Variants in ITPR1 observed in about 807,000 individuals in gnomAD.
ITPR1 encodes inositol 1,4,5-trisphosphate-gated calcium channel ITPR1.
A neutral mutation model predicts 318.4 loss-of-function variants in ITPR1; 96 were observed. The ratio of observed to expected loss-of-function variants is 0.30; its 90% CI spans 0.26 to 0.36. The LOEUF (loss-of-function observed/expected upper bound fraction) is 0.36, where lower values mean the gene tolerates loss of function less well. ITPR1 is among the 10% of genes least tolerant of loss of function. ITPR1 has a pLI of 1.00. For synonymous variants in ITPR1, 1,312 were observed against 1,289.9 expected (o/e 1.02, Z -0.37); for missense variants, 2,440 against 3,460.2 (o/e 0.71, Z 7.40).
chr3:4,624,599 G>A (rs2092758555), intron 4 of ITPR1, among the ~76,000 whole-genome samples: 1 of 150,688 alleles, frequency 6.6e-6, no homozygotes, highest in Non-Finnish European at 1.5e-5. Flanking sequence ...GAACCCGGGA[G>A]GCAGAGGTTA....
At position 4,554,649 on chromosome 3, in the gene ITPR1, G is replaced by C. The variant is rs531973595; in HGVS notation, c.163+33555G>C. ...CCCCCTGAGAGAGAGCAGATGGGCA[G>C]AGACTGAGGACTGAGGTTTCAGTTA... is the stretch of plus-strand genomic sequence containing the variant. On this transcript the variant is annotated intron_variant, in intron 4 of 61. Coordinates refer to ENST00000649015, the MANE Select transcript of ITPR1 (RefSeq NM_001378452.1). Among the ~76,000 whole-genome samples the C allele has an allele frequency of 4.6e-5, 7 of 152,136 alleles. No homozygotes were observed. In the East Asian group the frequency reaches 1.4e-3, roughly 30 times the overall value.
chr3:4,806,042 T>C (rs1253444574), intron 54 of ITPR1, 61 bp from the exon 55 acceptor site: 4 of 1,384,798 alleles, frequency 2.9e-6, no homozygotes, highest in Non-Finnish European at 4.0e-6. Context: ...ATGCTCTCGT[T>C]GCTCTCATGA....
At chr3:4,698,468 T>A (rs905322551) in intron 34 of ITPR1, among the ~76,000 whole-genome samples, 1 of 152,158 alleles carries the variant, frequency 6.6e-6, no homozygotes, top group South Asian at 2.1e-4. Flanking sequence ...TTTATTTGTT[T>A]AAATCAGTGC....
At chr3:4,728,488 A>T (rs1001040047) in intron 42 of ITPR1, among the ~76,000 whole-genome samples, 3 of 152,186 alleles carry the variant, frequency 2.0e-5, no homozygotes, top group African/African-American at 7.2e-5. Flanking sequence ...GTATGTATTT[A>T]TAGGGTACAT....
At chr3:4,625,587 G>C (rs9834888) in intron 4 of ITPR1, among the ~76,000 whole-genome samples, 5,931 of 150,750 alleles carry the variant, frequency 0.039, 391 homozygotes, top group African/African-American at 0.14. Flanking sequence ...GACAGAGTCT[G>C]GCTCTGTCGC....
At chr3:4,519,016 C>CAA (rs2082361656) in intron 3 of ITPR1, among the ~76,000 whole-genome samples, 1 of 152,158 alleles carries the variant, frequency 6.6e-6, no homozygotes, top group Admixed American at 6.5e-5. Flanking sequence ...TATTTGGAAA[C>CAA]AATAAGTCTG....
intron 8 of ITPR1, among the ~76,000 whole-genome samples, chr3:4,644,460 G>T (rs970193783): frequency 6.6e-6 from 1 of 152,236 alleles, no homozygotes; most frequent in Non-Finnish European, 1.5e-5. Flanking sequence ...TGCTCAGTTT[G>T]TGAAGCCTTG....
At chr3:4,526,058 A>G (rs893814385) in intron 4 of ITPR1, among the ~76,000 whole-genome samples, 5 of 152,232 alleles carry the variant, frequency 3.3e-5, no homozygotes, top group African/African-American at 1.2e-4. Flanking sequence ...AGATTCGGGC[A>G]ACAGTCAGGC....
At chr3:4,500,999 G>A (rs768364461) in intron 2 of ITPR1, among the ~76,000 whole-genome samples, 3 of 150,836 alleles carry the variant, frequency 2.0e-5, no homozygotes, top group East Asian at 3.9e-4. Flanking sequence ...GACCACCAGC[G>A]TGCCCCACCA....
At chr3:4,683,321 C>A in intron 26 of ITPR1, 65 bp from the exon 27 acceptor site, 1 of 1,560,846 alleles carries the variant, frequency 6.4e-7, no homozygotes, top group Non-Finnish European at 8.8e-7. Context: ...TGCATCTGGG[C>A]CCAAGGGGCG....
At chr3:4,667,702 C>T (rs1308291888) in intron 18 of ITPR1, among the ~76,000 whole-genome samples, 153 bp downstream of exon 18, 1 of 152,124 alleles carries the variant, frequency 6.6e-6, no homozygotes, top group Non-Finnish European at 1.5e-5. Flanking sequence ...GTGGCAAGAA[C>T]TTGGTGTTAA....
chr3:4,534,296 C>A (rs1473776887), intron 4 of ITPR1, among the ~76,000 whole-genome samples: 1 of 152,138 alleles, frequency 6.6e-6, no homozygotes, highest in African/African-American at 2.4e-5. Flanking sequence ...GTTTATTATT[C>A]CCCTCTATTA....
intron 24 of ITPR1, among the ~76,000 whole-genome samples, chr3:4,677,033 A>C (rs2094199149): frequency 6.6e-6 from 1 of 152,130 alleles, no homozygotes; most frequent in Non-Finnish European, 1.5e-5. Context: ...TGCCATTGTT[A>C]TCTTAGCTTT....
intron 60 of ITPR1, chr3:4,831,129 T>TCACACA (rs879055532): frequency 2.8e-4 from 90 of 326,504 alleles, no homozygotes; most frequent in South Asian, 1.7e-3. Context: ...TCTCTCTCTC[T>TCACACA]CTCACACACA....
intron 4 of ITPR1, among the ~76,000 whole-genome samples, chr3:4,607,247 G>A (rs917690946): frequency 1.3e-5 from 2 of 152,108 alleles, no homozygotes; most frequent in Non-Finnish European, 2.9e-5. Flanking sequence ...ATCAGAGTCT[G>A]CATTTTAACA....
intron 4 of ITPR1, among the ~76,000 whole-genome samples, chr3:4,547,619 G>T (rs1309881820): frequency 6.6e-6 from 1 of 152,176 alleles, no homozygotes; most frequent in Admixed American, 6.5e-5. Flanking sequence ...AATACCTTTG[G>T]AACTTAGTTA....
intron 54 of ITPR1, 85 bp from the exon 55 acceptor site, chr3:4,806,015 AAAT>A: frequency 8.5e-7 from 1 of 1,177,694 alleles, no homozygotes; most frequent in Admixed American, 2.5e-5. Context: ...ACGGTGACTG[AAAT>A]ACATTTGTGT....
At chr3:4,645,774 G>A (rs1196957708) in intron 10 of ITPR1, 46 bp downstream of exon 10, 2 of 1,504,130 alleles carry the variant, frequency 1.3e-6, no homozygotes, top group Admixed American at 2.0e-5. Flanking sequence ...GAGGATATCA[G>A]CCTGTATATA....
chr3:4,750,353 A>G (rs2044409270), intron 44 of ITPR1: 2 of 152,164 alleles, frequency 1.3e-5, no homozygotes, highest in African/African-American at 4.8e-5. Context: ...AAACTTCAAG[A>G]TGATTCCTAT....
Sources: allele counts gnomAD v4.1 joint callset (sites outside exome capture counted in the v4.1 genomes callset), GRCh38; gene constraint gnomAD v4.1.1; transcripts MANE v1.5; gene names NCBI Gene and HGNC (gene_info 2026-07-23, HGNC 2026-07-21).